The following TENM2 variants were observed in gnomAD, a reference collection of about 807,000 sequenced individuals.
TENM2 encodes teneurin-2.
A neutral mutation model predicts 245.2 loss-of-function variants in TENM2; 52 were observed. That is an observed-to-expected ratio of 0.21 (90% CI 0.17 to 0.27). The LOEUF (loss-of-function observed/expected upper bound fraction) is 0.27, where lower values mean the gene tolerates loss of function less well. Among genes scored for constraint, TENM2 ranks in the 10% least tolerant of loss-of-function variants. TENM2 has a pLI of 1.00. For missense variants in TENM2, 3,046 were observed against 3,666.8 expected, an observed-to-expected ratio of 0.83 and a Z score of 4.37; for synonymous variants, 1,363 against 1,438.9, an observed-to-expected ratio of 0.95 and a Z score of 1.19.
At chr5:168,044,928 AT>A (rs1180825112) in intron 5 of TENM2, among the ~76,000 whole-genome samples, 1 of 151,746 alleles carries the variant, frequency 6.6e-6, no homozygotes, top group Non-Finnish European at 1.5e-5. Context: ...AGAATGGCTG[AT>A]TAAAAAAAAA....
intron 2 of TENM2, among the ~76,000 whole-genome samples, chr5:167,495,933 A>T (rs1037363839): frequency 6.6e-6 from 1 of 152,116 alleles, no homozygotes; most frequent in Non-Finnish European, 1.5e-5. Context: ...ACTTAATTTT[A>T]TGGTGATTTT....
chr5:167,773,363 A>G lies in TENM2; in HGVS notation c.503-102623A>G, dbSNP rs144703862. Among the ~76,000 whole-genome samples the G allele has an allele frequency of 8.1e-3, 1,240 of 152,304 alleles. 2 individuals are homozygous for G. Among genetic ancestry groups the G allele is most frequent in the Non-Finnish European group, 0.013 (918 of 68,024 alleles). ...TTTCCTAGGGCGATGCTAAATTAGA[A>G]TGATGCTCAGGCATTAGGGCAAGTA... On this transcript the variant is annotated intron_variant, in intron 2 of 28. Transcript: ENST00000518659.
intron 2 of TENM2, among the ~76,000 whole-genome samples, chr5:167,543,835 C>T (rs1415477314): frequency 1.3e-5 from 2 of 152,108 alleles, no homozygotes; most frequent in Non-Finnish European, 2.9e-5. Flanking sequence ...ACACAGAGTT[C>T]CCCTTGTGTA....
chr5:167,850,097 C>T (rs1271322905), intron 2 of TENM2, among the ~76,000 whole-genome samples: 1 of 152,158 alleles, frequency 6.6e-6, no homozygotes, highest in African/African-American at 2.4e-5. Context: ...GACCAGCCCC[C>T]ACATCCCAAA....
chr5:167,507,245 A>T (rs1276065133), intron 2 of TENM2, among the ~76,000 whole-genome samples: 1 of 152,234 alleles, frequency 6.6e-6, no homozygotes, highest in Non-Finnish European at 1.5e-5. Context: ...TGTATTACCC[A>T]TAAGTAATTT....
chr5:167,468,289 C>T (rs1481700701), intron 2 of TENM2, among the ~76,000 whole-genome samples: 3 of 152,162 alleles, frequency 2.0e-5, no homozygotes, highest in African/African-American at 7.2e-5. Context: ...TGAGCACAAA[C>T]AGAACTTCTA....
the TENM2 span, among the ~76,000 whole-genome samples, chr5:167,016,282 A>AAACAAAC: frequency 2.1e-5 from 1 of 46,988 alleles, no homozygotes; most frequent in Non-Finnish European, 4.3e-5. Flanking sequence ...ACAAACAAAC[A>AAACAAAC]AAAAAAAAAA....
the TENM2 span, among the ~76,000 whole-genome samples, chr5:167,015,566 T>C: frequency 1.3e-5 from 2 of 152,204 alleles, no homozygotes; most frequent in African/African-American, 4.8e-5. Flanking sequence ...GAACTACTTA[T>C]AAACTTGAAA....
chr5:168,106,371 G>A (rs1382559706), intron 9 of TENM2, among the ~76,000 whole-genome samples: 1 of 152,128 alleles, frequency 6.6e-6, no homozygotes, highest in Non-Finnish European at 1.5e-5. Flanking sequence ...CATCATCAGA[G>A]CTGGCATTTA....
intron 12 of TENM2, among the ~76,000 whole-genome samples, chr5:168,148,679 T>C (rs1756334378): frequency 6.6e-6 from 1 of 151,348 alleles, no homozygotes; most frequent in Non-Finnish European, 1.5e-5. Context: ...GAAAAAAGAG[T>C]GAAGAAGCAG....
the TENM2 span, among the ~76,000 whole-genome samples, chr5:167,029,478 T>C: frequency 6.6e-6 from 1 of 152,330 alleles, no homozygotes; most frequent in African/African-American, 2.4e-5. Context: ...TCAGCATCTG[T>C]GCTGTGGTGG....
At chr5:167,654,351 T>A (rs1754691028) in intron 2 of TENM2, among the ~76,000 whole-genome samples, 1 of 152,148 alleles carries the variant, frequency 6.6e-6, no homozygotes, top group African/African-American at 2.4e-5. Context: ...GGGTCCACGA[T>A]GAAGAAGCAC....
intron 2 of TENM2, among the ~76,000 whole-genome samples, chr5:167,544,500 T>C (rs1582344370): frequency 6.6e-6 from 1 of 152,334 alleles, no homozygotes; most frequent in Admixed American, 6.5e-5. Context: ...TTACATCATC[T>C]TCCCTGGAAT....
intron 2 of TENM2, among the ~76,000 whole-genome samples, chr5:167,774,974 T>C (rs760523776): frequency 1.3e-5 from 2 of 152,124 alleles, no homozygotes; most frequent in Non-Finnish European, 2.9e-5. Flanking sequence ...TTTTTTTTAT[T>C]TTTATTGTTT....
the TENM2 span, among the ~76,000 whole-genome samples, chr5:167,059,892 T>C: frequency 2.0e-5 from 3 of 151,930 alleles, no homozygotes; most frequent in Non-Finnish European, 4.4e-5. Context: ...TTAGTAGAGG[T>C]GGGGTTTCAC....
chr5:167,722,804 A>AC (rs1759724870), intron 2 of TENM2, among the ~76,000 whole-genome samples: 1 of 152,234 alleles, frequency 6.6e-6, no homozygotes, highest in Admixed American at 6.5e-5. Flanking sequence ...AAACAAACAA[A>AC]AAAAAACAAC....
chr5:167,104,028 C>A, the TENM2 span, among the ~76,000 whole-genome samples: 1 of 152,026 alleles, frequency 6.6e-6, no homozygotes, highest in Non-Finnish European at 1.5e-5. Flanking sequence ...GTCAACTTAC[C>A]AAATACCCTG....
chr5:167,453,956 TA>T (rs1210118148), intron 2 of TENM2, among the ~76,000 whole-genome samples: 1 of 152,218 alleles, frequency 6.6e-6, no homozygotes, highest in African/African-American at 2.4e-5. Flanking sequence ...ATCTCTTCAC[TA>T]CTTAGGGACA....
chr5:168,021,051 A>G (rs1220832475), intron 5 of TENM2, among the ~76,000 whole-genome samples: 1 of 152,222 alleles, frequency 6.6e-6, no homozygotes, highest in African/African-American at 2.4e-5. Flanking sequence ...GATAACCTAG[A>G]AAGTCAGGAG....
Sources: allele counts gnomAD v4.1 joint callset (sites outside exome capture counted in the v4.1 genomes callset), GRCh38; gene constraint gnomAD v4.1.1; transcripts MANE v1.5; gene names NCBI Gene and HGNC (gene_info 2026-07-23, HGNC 2026-07-21).